The following MED13L variants were observed in gnomAD, a reference collection of about 807,000 sequenced individuals.
MED13L encodes mediator of RNA polymerase II transcription subunit 13-like.
MED13L carries 7 observed loss-of-function variants against 220.9 expected under a neutral mutation model. The ratio of observed to expected loss-of-function variants is 0.03; its 90% CI spans 0.02 to 0.06. The LOEUF (loss-of-function observed/expected upper bound fraction) is 0.06, where lower values mean the gene tolerates loss of function less well. Among genes scored for constraint, MED13L ranks in the 10% least tolerant of loss-of-function variants. The pLI is 1.00. For missense variants in MED13L, 1,965 were observed against 2,760.5 expected (o/e 0.71, Z 6.46); for synonymous variants, 1,011 against 1,015.2 (o/e 1.00, Z 0.08).
rs1876139078 is a variant in MED13L at position 115,966,097 on chromosome 12, G to A, written c.6372C>T (p.Cys2124=). Residue 2124 remains cysteine (C), a synonymous_variant, in exon 29 of 31, where the codon TGC becomes TGT. Transcript: ENST00000281928. ...WSSCPQAQNQ[C]PLFLKASLHH... ...CCAAACCAACCTTTAAGAAGAGAGG[G>A]CACTGGTTTTGAGCCTGGGGACACG... 1.2e-6 allele frequency: 2 copies of A among 1,613,984 alleles called. No homozygotes were observed. Among genetic ancestry groups the A allele is most frequent in the Admixed American group, 1.7e-5 (1 of 59,984 alleles).
chr12:116,236,200 T>G (rs1870061576), intron 2 of MED13L, among the ~76,000 whole-genome samples: 1 of 152,188 alleles, frequency 6.6e-6, no homozygotes, highest in South Asian at 2.1e-4. Context: ...CTTTGCTGAT[T>G]ACCCAGCTAA....
chr12:116,016,140 T>G (rs1419641521), intron 7 of MED13L, among the ~76,000 whole-genome samples: 1 of 152,110 alleles, frequency 6.6e-6, no homozygotes, highest in Admixed American at 6.5e-5. Flanking sequence ...ACTTAGTAAG[T>G]ATATATTATG....
In MED13L at chr12:116,089,801, C is replaced by A. The variant is rs531672303; in HGVS notation, c.479+6868G>T. Among the ~76,000 whole-genome samples, 38 of 152,262 alleles carry A rather than the reference C, an allele frequency of 2.5e-4. 1 individual carries two copies. Among genetic ancestry groups the A allele is most frequent in the African/African-American group, 9.1e-4 (38 of 41,550 alleles). ...TTTTTAACTTGCCATAAAATTCCCC[C>A]CATGTTACTGAGATGCCATGAAAAA... On this transcript the variant is annotated intron_variant, in intron 4 of 30. Transcript: ENST00000281928.
intron 1 of MED13L, among the ~76,000 whole-genome samples, chr12:116,274,424 C>CAA (rs989877048): frequency 4.4e-4 from 39 of 89,646 alleles, no homozygotes; most frequent in East Asian, 3.1e-3. Flanking sequence ...AAAAACAAAA[C>CAA]AAAAAAAAAA....
rs368396033 is a variant in MED13L, at chr12:116,062,832, C to A, written c.479+33837G>T. ...TTTTTCACTGAGATGGCCTCACAGA[C>A]CAGCACACAACATGGAGTCCCAGAG... On this transcript the variant is annotated intron_variant, in intron 4 of 30. Coordinates refer to ENST00000281928, the MANE Select transcript of MED13L (RefSeq NM_015335.5). Among the ~76,000 whole-genome samples, 6 of 152,202 alleles carry A rather than the reference C, an allele frequency of 3.9e-5. No individual in the cohort carries two copies. The South Asian group carries it at 1.2e-3, about 32-fold the overall frequency.
At chr12:116,090,308 T>G (rs1175201344) in intron 4 of MED13L, among the ~76,000 whole-genome samples, 3 of 152,156 alleles carry the variant, frequency 2.0e-5, no homozygotes, top group Non-Finnish European at 4.4e-5. Flanking sequence ...ACCTACAATT[T>G]CTCCTTCCAT....
intron 2 of MED13L, chr12:116,148,609 C>CTATATATATATATATATATATA (rs3043743): frequency 5.6e-6 from 1 of 178,212 alleles, no homozygotes; most frequent in Non-Finnish European, 1.3e-5. Context: ...ATGGAGATAT[C>CTATATATATATATATATATATA]TATATATATA....
At chr12:116,049,510 G>GA (rs1375951523) in intron 4 of MED13L, among the ~76,000 whole-genome samples, 2 of 151,834 alleles carry the variant, frequency 1.3e-5, no homozygotes, top group Non-Finnish European at 2.9e-5. Context: ...CATGGCAAAA[G>GA]AAAAAAATGA....
At chr12:116,212,297 G>A (rs1260183023) in intron 2 of MED13L, among the ~76,000 whole-genome samples, 1 of 152,086 alleles carries the variant, frequency 6.6e-6, no homozygotes, top group East Asian at 1.9e-4. Flanking sequence ...AAACCCATGA[G>A]ATTAAGTTGT....
In MED13L at chr12:116,022,473, G is replaced by A; in HGVS notation, c.608C>T (p.Ser203Leu). The change falls in exon 5 of 31, where the codon TCA (serine) becomes TTA (leucine). Residue 203 changes from serine to leucine, a missense_variant. Transcript: ENST00000281928. Reference protein sequence around the residue: ...NEEHIHMAQSSPAPFQVLVSP... With the variant: ...NEEHIHMAQSLPAPFQVLVSP... ...ATACTTACCTTGAAATGGTGCAGGTGAAGACTGAGCCATGTGTATATGCTC... is the reference window on the plus strand; with the variant it reads ...ATACTTACCTTGAAATGGTGCAGGTAAAGACTGAGCCATGTGTATATGCTC... 2 of 1,613,772 alleles carry A rather than the reference G, an allele frequency of 1.2e-6. No homozygotes were observed. Among genetic ancestry groups the A allele is most frequent in the East Asian group, 2.2e-5 (1 of 44,844 alleles).
chr12:116,026,741 G>C (rs1403447531), intron 4 of MED13L, among the ~76,000 whole-genome samples: 2 of 152,166 alleles, frequency 1.3e-5, no homozygotes, highest in Non-Finnish European at 2.9e-5. Flanking sequence ...ACTGACACTA[G>C]AAAGTTGAAT....
At chr12:116,255,399 C>G (rs369181521) in intron 1 of MED13L, among the ~76,000 whole-genome samples, 26 of 152,318 alleles carry the variant, frequency 1.7e-4, no homozygotes, top group African/African-American at 6.3e-4. Flanking sequence ...GATTGCAAGC[C>G]TAAACCTAAT....
chr12:115,966,342 C>T, intron 28 of MED13L, 99 bp from the exon 29 acceptor site: 1 of 1,351,450 alleles, frequency 7.4e-7, no homozygotes, highest in Non-Finnish European at 1.0e-6. Flanking sequence ...TGAGTGATCC[C>T]CTTTGTGGCA....
intron 2 of MED13L, among the ~76,000 whole-genome samples, chr12:116,192,760 G>A (rs1178816499): frequency 6.6e-6 from 1 of 152,152 alleles, no homozygotes; most frequent in Non-Finnish European, 1.5e-5. Context: ...GCCAAAGCAG[G>A]AAGACTGCTT....
At chr12:116,261,844 A>T (rs193057228) in intron 1 of MED13L, among the ~76,000 whole-genome samples, 15 of 152,230 alleles carry the variant, frequency 9.9e-5, no homozygotes, top group African/African-American at 3.6e-4. Flanking sequence ...ATATTACACG[A>T]TCTATTTCCT....
At chr12:116,118,131 T>G (rs1048207319) in intron 2 of MED13L, among the ~76,000 whole-genome samples, 1 of 152,156 alleles carries the variant, frequency 6.6e-6, no homozygotes, top group Non-Finnish European at 1.5e-5. Flanking sequence ...TTTTAAATGC[T>G]AAAAATTATT....
At chr12:116,003,463 G>A (rs1186713965) in intron 13 of MED13L, among the ~76,000 whole-genome samples, 1 of 151,488 alleles carries the variant, frequency 6.6e-6, no homozygotes, top group African/African-American at 2.4e-5. Flanking sequence ...TTGGAAGCAA[G>A]CAGCTAAAAG....
At chr12:116,020,788 C>A (rs1406275468) in intron 5 of MED13L, among the ~76,000 whole-genome samples, 1 of 152,092 alleles carries the variant, frequency 6.6e-6, no homozygotes, top group African/African-American at 2.4e-5. Flanking sequence ...CTTCAATCTT[C>A]CAAATAATAC....
rs149122164 is a variant in MED13L, at chr12:116,055,690, T to C, written c.480-33089A>G. Among the ~76,000 whole-genome samples the C allele has an allele frequency of 4.6e-3, 699 of 151,238 alleles. 3 individuals carry two copies. The highest frequency in any genetic ancestry group is 5.6e-3 in the Non-Finnish European group (380 of 67,826). ...TGGGTGGATCACCTGAGGTCGGGAG[T>C]TCAAGACCAGCCTAGCCAACATAGT... On this transcript the variant is annotated intron_variant, in intron 4 of 30. Coordinates refer to ENST00000281928, the MANE Select transcript of MED13L (RefSeq NM_015335.5).
Sources: gnomAD v4.1 joint callset for allele counts (sites outside exome capture counted in the v4.1 genomes callset) on GRCh38, gnomAD v4.1.1 for gene constraint, MANE v1.5 for transcripts, NCBI Gene and HGNC (gene_info 2026-07-23, HGNC 2026-07-21) for gene names.